Variants in COL5A2 observed in about 807,000 individuals in gnomAD.
COL5A2 encodes the protein collagen type V alpha 2 chain.
A neutral mutation model predicts 208.2 loss-of-function variants in COL5A2; 23 were observed. That is an observed-to-expected ratio of 0.11 (90% confidence interval 0.08 to 0.16). The LOEUF (loss-of-function observed/expected upper bound fraction) is 0.16. Among genes scored for constraint, COL5A2 ranks in the 10% least tolerant of loss-of-function variants. The pLI is 1.00. For synonymous variants in COL5A2, 625 were observed against 628.5 expected, an observed-to-expected ratio of 0.99 and a Z score of 0.08; for missense variants, 1,590 against 1,956.4, an observed-to-expected ratio of 0.81 and a Z score of 3.53.
chr2:189,312,290 G>C, the COL5A2 span, among the ~76,000 whole-genome samples: 1 of 152,066 alleles, frequency 6.6e-6, no homozygotes, highest in African/African-American at 2.4e-5. Flanking sequence ...GGCTTTGCAT[G>C]GTATCCTTCT....
chr2:189,325,624 A>C, the COL5A2 span, among the ~76,000 whole-genome samples: 42 of 152,126 alleles, frequency 2.8e-4, no homozygotes, highest in African/African-American at 9.6e-4. Flanking sequence ...ATTTACTCTT[A>C]TTTGTTTGTA....
chr2:189,258,001 C>A, the COL5A2 span, among the ~76,000 whole-genome samples: 1 of 151,814 alleles, frequency 6.6e-6, no homozygotes, highest in African/African-American at 2.4e-5. Flanking sequence ...GCAGTCCCAG[C>A]TACTCAGGAG....
At chr2:189,078,791 A>C (rs905134576) in intron 15 of COL5A2, among the ~76,000 whole-genome samples, 1 of 152,144 alleles carries the variant, frequency 6.6e-6, no homozygotes, top group Non-Finnish European at 1.5e-5. Flanking sequence ...TAATGGGCTA[A>C]ATCTGCGATA....
chr2:189,064,915 T>A (rs1302166245), intron 24 of COL5A2, 89 bp downstream of exon 24: 3 of 1,256,188 alleles, frequency 2.4e-6, no homozygotes, highest in Non-Finnish European at 3.5e-6. Context: ...TCTGAGCCCA[T>A]GCAGGCCATA....
the COL5A2 span, among the ~76,000 whole-genome samples, chr2:189,316,490 C>A: frequency 2.0e-5 from 3 of 151,600 alleles, no homozygotes; most frequent in African/African-American, 4.8e-5. Context: ...TCTGCATGTC[C>A]TGAAGGAAAA....
chr2:189,372,516 T>C, the COL5A2 span, among the ~76,000 whole-genome samples: 3,000 of 152,248 alleles, frequency 0.02, 101 homozygotes, highest in African/African-American at 0.069. Context: ...TATATACATA[T>C]AAAACATTAA....
chr2:189,146,213 T>C (rs1216032425), intron 1 of COL5A2, among the ~76,000 whole-genome samples: 1 of 152,086 alleles, frequency 6.6e-6, no homozygotes, highest in Non-Finnish European at 1.5e-5. Context: ...GGGAAGTGAA[T>C]GAAGATAGAA....
chr2:189,119,426 C>T lies in COL5A2; in HGVS notation c.98-8977G>A, dbSNP rs568338746. On this transcript the variant is annotated intron_variant, in intron 1 of 53. Coordinates refer to ENST00000374866, the MANE Select transcript of COL5A2 (RefSeq NM_000393.5). Reference sequence around the variant, plus strand: ...ATTAGGGAAAATACAAAGAATGAATCGGAGATTTTTCACCTACAAATCCAT... The same window carrying T: ...ATTAGGGAAAATACAAAGAATGAATTGGAGATTTTTCACCTACAAATCCAT... Among the ~76,000 whole-genome samples the T allele has an allele frequency of 2.6e-5, 4 of 152,122 alleles. No individual in the cohort carries two copies. The South Asian group carries it at 6.2e-4, about 24-fold the overall frequency.
At chr2:189,370,390 TTTTA>T in the COL5A2 span, among the ~76,000 whole-genome samples, 9 of 152,174 alleles carry the variant, frequency 5.9e-5, no homozygotes, top group Non-Finnish European at 1.3e-4. Context: ...GTTCAATGTG[TTTTA>T]TTTCTCTCCT....
intron 36 of COL5A2, 94 bp from the exon 37 acceptor site, chr2:189,054,042 G>T: frequency 1.4e-6 from 2 of 1,434,328 alleles, no homozygotes; most frequent in Non-Finnish European, 2.0e-6. Context: ...TAGTGGAAAA[G>T]AACTCTGAAA....
chr2:189,094,557 C>A lies in COL5A2; in HGVS notation c.457-2137G>T, dbSNP rs1194176433. Among the ~76,000 whole-genome samples the A allele has an allele frequency of 2.8e-5, 2 of 70,446 alleles. 1 individual carries two copies. The highest frequency in any genetic ancestry group is 6.5e-5 in the Non-Finnish European group (2 of 30,798). The allele number at this position is 70,446 out of a possible 152,430, so 46.2% of individuals were successfully genotyped here. A position where few individuals can be genotyped will look rare whatever the true frequency, so the allele number is the denominator to read the frequency against. On this transcript the variant is annotated intron_variant, in intron 6 of 53. Transcript: ENST00000374866. ...CGGGAACTGTTAAAGAACTTCATTT[C>A]TCTCGTTTCTCTCTCTCTCTCTTTC... is the stretch of plus-strand genomic sequence containing the variant.
chr2:189,253,669 C>A, the COL5A2 span, among the ~76,000 whole-genome samples: 1 of 152,226 alleles, frequency 6.6e-6, no homozygotes, highest in Non-Finnish European at 1.5e-5. Flanking sequence ...TTGATTTAGT[C>A]ATCTTTTAAT....
intron 1 of COL5A2, among the ~76,000 whole-genome samples, chr2:189,191,170 C>CAAAAAAAAAA (rs1288537416): frequency 2.2e-5 from 3 of 134,952 alleles, no homozygotes; most frequent in South Asian, 2.4e-4. Flanking sequence ...AAACAAACAA[C>CAAAAAAAAAA]AAAAAACAAC....
chr2:189,341,323 C>T, the COL5A2 span, among the ~76,000 whole-genome samples: 1 of 152,096 alleles, frequency 6.6e-6, no homozygotes, highest in Middle Eastern at 3.2e-3. Flanking sequence ...GCACTTCAAA[C>T]CACTGTATTA....
intron 1 of COL5A2, among the ~76,000 whole-genome samples, chr2:189,197,290 G>T (rs1426005521): frequency 6.6e-6 from 1 of 151,086 alleles, no homozygotes; most frequent in Non-Finnish European, 1.5e-5. Context: ...CAGGGGGTTG[G>T]GGTGCGATGG....
At chr2:189,320,245 A>G in the COL5A2 span, among the ~76,000 whole-genome samples, 1 of 152,214 alleles carries the variant, frequency 6.6e-6, no homozygotes, top group Non-Finnish European at 1.5e-5. Flanking sequence ...TGAAAATTCT[A>G]AAAATCAGAG....
At chr2:189,400,072 C>G in the COL5A2 span, among the ~76,000 whole-genome samples, 2 of 152,036 alleles carry the variant, frequency 1.3e-5, no homozygotes, top group African/African-American at 4.8e-5. Context: ...TTTATTTGAT[C>G]TAATTTTATG....
chr2:189,212,753 G>T (rs1309385945), intron 1 of COL5A2, among the ~76,000 whole-genome samples: 1 of 151,764 alleles, frequency 6.6e-6, no homozygotes, highest in Non-Finnish European at 1.5e-5. Flanking sequence ...AGAGACAAAG[G>T]AAAGGCAAGA....
chr2:189,052,266 T>C (rs1685805726), intron 40 of COL5A2, 41 bp from the exon 41 acceptor site: 1 of 1,575,250 alleles, frequency 6.3e-7, no homozygotes, highest in Non-Finnish European at 8.7e-7. Flanking sequence ...TAAGGTAATA[T>C]AAATTAGTTA....
Sources: allele counts gnomAD v4.1 joint callset (sites outside exome capture counted in the v4.1 genomes callset), GRCh38; gene constraint gnomAD v4.1.1; transcripts MANE v1.5; gene names NCBI Gene and HGNC (gene_info 2026-07-23, HGNC 2026-07-21).